PTPRT: variants seen among roughly 807,000 people sequenced by gnomAD.
The protein encoded by PTPRT is protein tyrosine phosphatase receptor type T, also known as receptor-type tyrosine-protein phosphatase T.
Under a neutral mutation model 176.8 loss-of-function variants are expected in PTPRT, and 56 were observed. That is an observed-to-expected ratio of 0.32 (90% CI 0.26 to 0.40). PTPRT has a LOEUF of 0.40. Ranked by LOEUF, PTPRT falls within the 10% of genes least tolerant of loss-of-function variation. The probability of loss-of-function intolerance (pLI) is 1.00; values close to 1 mark genes in which losing one functional copy is unlikely to be tolerated. For synonymous variants in PTPRT, 783 were observed against 739.0 expected, an observed-to-expected ratio of 1.06 and a Z score of -0.96; for missense variants, 1,540 against 1,908.2, an observed-to-expected ratio of 0.81 and a Z score of 3.60.
chr20:42,533,436 T>C (rs2072421346), intron 7 of PTPRT, among the ~76,000 whole-genome samples: 1 of 152,200 alleles, frequency 6.6e-6, no homozygotes, highest in African/African-American at 2.4e-5. Context: ...AACCATGATG[T>C]CTTTCAGTCA....
rs550344624 is a variant in PTPRT, at chr20:43,048,312, C to T, written c.88+141334G>A. On this transcript the variant is annotated intron_variant, in intron 1 of 30. Coordinates refer to ENST00000373187, the MANE Select transcript of PTPRT (RefSeq NM_007050.6). ...GCCAGGGGTTGGTGGATAGACAGTC[C>T]ACGAGCCCTGGCTGGGGAGACTGTC... is the stretch of plus-strand genomic sequence containing the variant. 2.8e-4 allele frequency among the ~76,000 whole-genome samples: 43 copies of T among 152,124 alleles called. No homozygotes were observed. The East Asian group carries it at 8.1e-3, about 29-fold the overall frequency.
At chr20:42,052,649 G>A in the PTPRT span, among the ~76,000 whole-genome samples, 1 of 152,106 alleles carries the variant, frequency 6.6e-6, no homozygotes. Flanking sequence ...TTGAGAACAG[G>A]AGCTTGGGTT....
chr20:43,002,628 G>T (rs1984640803), intron 1 of PTPRT, among the ~76,000 whole-genome samples: 1 of 151,960 alleles, frequency 6.6e-6, no homozygotes, highest in Non-Finnish European at 1.5e-5. Context: ...AATAATTTTT[G>T]GGTCAAAAAT....
At chr20:43,132,997 T>C (rs1293856306) in intron 1 of PTPRT, among the ~76,000 whole-genome samples, 1 of 152,070 alleles carries the variant, frequency 6.6e-6, no homozygotes, top group African/African-American at 2.4e-5. Context: ...GAGAAACCAA[T>C]AACTACTTTG....
intron 6 of PTPRT, among the ~76,000 whole-genome samples, chr20:42,718,410 G>C (rs912399926): frequency 6.6e-6 from 1 of 152,086 alleles, no homozygotes; most frequent in African/African-American, 2.4e-5. Context: ...GGTGGCGGGC[G>C]CCAGTAGTTC....
the PTPRT span, among the ~76,000 whole-genome samples, chr20:42,065,991 T>A: frequency 1.3e-5 from 2 of 152,078 alleles, no homozygotes; most frequent in Non-Finnish European, 2.9e-5. Context: ...CATATTGAAG[T>A]ATTTTTGAAT....
intron 6 of PTPRT, among the ~76,000 whole-genome samples, chr20:42,696,637 T>G (rs780649072): frequency 2.0e-4 from 31 of 151,858 alleles, no homozygotes; most frequent in Non-Finnish European, 2.4e-4. Context: ...TTGTATTTTT[T>G]GTAGAGACTG....
At chr20:42,842,178 C>T (rs2078290086) in intron 2 of PTPRT, among the ~76,000 whole-genome samples, 1 of 152,264 alleles carries the variant, frequency 6.6e-6, no homozygotes, top group East Asian at 1.9e-4. Context: ...GGAATGCAGC[C>T]AGACTCAGGT....
At chr20:42,199,500 C>A in intron 15 of PTPRT, 112 bp from the exon 16 acceptor site, 1 of 1,232,880 alleles carries the variant, frequency 8.1e-7, no homozygotes. Context: ...AAATCTGGTT[C>A]ATTCTCCAGA....
chr20:42,035,843 C>T, the PTPRT span, among the ~76,000 whole-genome samples: 2 of 152,102 alleles, frequency 1.3e-5, no homozygotes, highest in South Asian at 4.2e-4. Context: ...AGAATGATGC[C>T]CTCAGTGCCA....
In PTPRT at chr20:43,091,748, C is replaced by T. The variant is rs537050229; in HGVS notation, c.88+97898G>A. 1.2e-4 allele frequency among the ~76,000 whole-genome samples: 18 copies of T among 152,212 alleles called. No individual in the cohort carries two copies. In the East Asian group the frequency reaches 2.7e-3, roughly 23 times the overall value. ...AAGAATTCCAGGACCGCAAGAAGAG[C>T]AGCCCCAAGATGATGATGAGCTCAT... is the stretch of plus-strand genomic sequence containing the variant. On this transcript the variant is annotated intron_variant, in intron 1 of 30. Coordinates refer to ENST00000373187, the MANE Select transcript of PTPRT (RefSeq NM_007050.6).
rs181103242 is a variant in PTPRT, at chr20:42,788,021, A to T, written c.486+3174T>A. 2.4e-4 allele frequency among the ~76,000 whole-genome samples: 36 copies of T among 152,318 alleles called. No homozygotes were observed. The East Asian group carries it at 7.0e-3, about 29-fold the overall frequency. On this transcript the variant is annotated intron_variant, in intron 3 of 30. Coordinates refer to ENST00000373187, the MANE Select transcript of PTPRT (RefSeq NM_007050.6). ...TTCAGATAAAGGTTTGTACTAAAAC[A>T]TATTACACAAAAGGAAAAGACACCG...
chr20:42,820,559 A>C (rs1262782637), intron 2 of PTPRT, among the ~76,000 whole-genome samples: 1 of 152,150 alleles, frequency 6.6e-6, no homozygotes, highest in Non-Finnish European at 1.5e-5. Context: ...GACAACAAAT[A>C]ACTAAGATCA....
rs112425494 is a variant in PTPRT, at chr20:42,272,006, G to A, written c.2176+10483C>T. ...TACTTCTCCCTTAAAAATATGAAAA[G>A]TTTTGCTGTTTTAAAAGCACAATCT... On this transcript the variant is annotated intron_variant, in intron 13 of 30. Transcript: ENST00000373187. Among the ~76,000 whole-genome samples, 19 of 152,272 alleles carry A rather than the reference G, an allele frequency of 1.2e-4. 1 individual carries two copies. The highest frequency in any genetic ancestry group is 4.6e-4 in the African/African-American group (19 of 41,560).
intron 5 of PTPRT, among the ~76,000 whole-genome samples, chr20:42,758,542 C>T: frequency 6.6e-6 from 1 of 152,138 alleles, no homozygotes; most frequent in East Asian, 1.9e-4. Context: ...TAATATTTTG[C>T]TGCTGCTTTT....
intron 7 of PTPRT, among the ~76,000 whole-genome samples, chr20:42,600,785 CT>C (rs1304415766): frequency 7.9e-5 from 12 of 152,136 alleles, no homozygotes; most frequent in Non-Finnish European, 1.8e-4. Context: ...AAAATACATA[CT>C]TTTATTCTTT....
chr20:42,450,710 A>G (rs1873791365), intron 8 of PTPRT, among the ~76,000 whole-genome samples: 1 of 151,938 alleles, frequency 6.6e-6, no homozygotes. Flanking sequence ...TCCCTTATCC[A>G]CCCTTCCTTT....
At chr20:43,054,483 C>T (rs996478) in intron 1 of PTPRT, among the ~76,000 whole-genome samples, 3 of 150,986 alleles carry the variant, frequency 2.0e-5, no homozygotes, top group South Asian at 2.1e-4. Context: ...GAGCCCAGAA[C>T]GTCAAGGCGG....
intron 7 of PTPRT, among the ~76,000 whole-genome samples, chr20:42,481,804 ACGCG>A (rs149328532): frequency 4.2e-4 from 60 of 142,876 alleles, no homozygotes; most frequent in South Asian, 2.2e-3. Context: ...ACACACACAC[ACGCG>A]CGCATGTATA....
Sources: allele counts gnomAD v4.1 joint callset (sites outside exome capture counted in the v4.1 genomes callset), GRCh38; gene constraint gnomAD v4.1.1; transcripts MANE v1.5; gene names NCBI Gene and HGNC (gene_info 2026-07-23, HGNC 2026-07-21).